The following IQCK variants were observed in gnomAD, a reference collection of about 807,000 sequenced individuals.
IQCK encodes IQ motif containing K, also known as IQ domain-containing protein K.
Under a neutral mutation model 28.1 loss-of-function variants are expected in IQCK, and 29 were observed. The ratio of observed to expected loss-of-function variants is 1.03; its 90% confidence interval spans 0.77 to 1.41. IQCK has a LOEUF of 1.41. Ranked by LOEUF, IQCK falls within the 40% of genes most tolerant of loss-of-function variation. The pLI is 0.00. For synonymous variants in IQCK, 113 were observed against 115.1 expected (o/e 0.98, Z 0.12); for missense variants, 359 against 314.7 (o/e 1.14, Z -1.07).
rs1307874843 is a variant in IQCK at position 19,764,407 on chromosome 16, C to A, written c.605+295C>A. 7 of 236,124 alleles carry A rather than the reference C, an allele frequency of 3.0e-5. No individual in the cohort carries two copies. The East Asian group carries it at 3.3e-4, about 11-fold the overall frequency. The allele number at this position is 236,124 out of a possible 1,614,324, so 14.6% of individuals were successfully genotyped here. On this transcript the variant is annotated intron_variant, in intron 6 of 7. Coordinates refer to ENST00000564186, the Ensembl canonical transcript of IQCK. ...ATTTTTTTCCTGTCTCTCTGAATGT[C>A]ATTATGTCTCAGGAAATATGACTAA...
intron 7 of IQCK, among the ~76,000 whole-genome samples, chr16:19,826,438 G>A (rs1406473964): frequency 3.9e-5 from 6 of 152,156 alleles, no homozygotes; most frequent in Admixed American, 3.9e-4. Context: ...GAGTGCAATG[G>A]CACAATCTCA....
chr16:19,767,875 A>G lies in IQCK; in HGVS notation c.605+3763A>G, dbSNP rs575634273. On this transcript the variant is annotated intron_variant, in intron 6 of 7. Transcript: ENST00000564186. ...AGCCTGGGTGACAGAGCGAGACTCC[A>G]TCTCAATAAATAAATAAATAAACAA... is the stretch of plus-strand genomic sequence containing the variant. Among the ~76,000 whole-genome samples, 44 of 152,086 alleles carry G rather than the reference A, an allele frequency of 2.9e-4. 1 individual carries two copies. In the South Asian group the frequency reaches 8.7e-3, roughly 30 times the overall value.
At chr16:19,816,166 G>T (rs1053864455) in intron 7 of IQCK, among the ~76,000 whole-genome samples, 2 of 152,126 alleles carry the variant, frequency 1.3e-5, no homozygotes, top group Non-Finnish European at 2.9e-5. Context: ...TGTCTGTTTT[G>T]CCAAGAATCA....
At chr16:19,779,640 T>TCAC (rs1426784667) in intron 6 of IQCK, among the ~76,000 whole-genome samples, 1 of 152,120 alleles carries the variant, frequency 6.6e-6, no homozygotes, top group Non-Finnish European at 1.5e-5. Context: ...TCATCTCATT[T>TCAC]CACCATTAGG....
chr16:19,728,911 A>G (rs1977741976), intron 1 of IQCK, among the ~76,000 whole-genome samples: 3 of 152,224 alleles, frequency 2.0e-5, no homozygotes, highest in African/African-American at 7.2e-5. Context: ...ATGAAATAAA[A>G]CTTATGTCCA....
intron 9 of IQCK, among the ~76,000 whole-genome samples, chr16:19,834,533 C>T (rs1343223147): frequency 6.6e-6 from 1 of 152,236 alleles, no homozygotes; most frequent in South Asian, 2.1e-4. Flanking sequence ...CAGGCAGTGT[C>T]TGGCTATGCC....
At chr16:19,828,345 T>C (rs1436425914), downstream of IQCK, among the ~76,000 whole-genome samples, 1 of 146,634 alleles carries the variant, frequency 6.8e-6, no homozygotes, top group Admixed American at 6.9e-5. Context: ...GCAATTCTCC[T>C]GCCTCAGCCT....
chr16:19,819,600 G>C (rs1315860053), intron 7 of IQCK: 2 of 163,902 alleles, frequency 1.2e-5, no homozygotes, highest in African/African-American at 4.8e-5. Flanking sequence ...TTTCAATCCA[G>C]CTGTGATTAA....
At chr16:19,727,739 G>A (rs1977705702) in intron 1 of IQCK, among the ~76,000 whole-genome samples, 1 of 152,064 alleles carries the variant, frequency 6.6e-6, no homozygotes, top group African/African-American at 2.4e-5. Context: ...TCTTGCTTTT[G>A]TAATCAGACA....
intron 7 of IQCK, among the ~76,000 whole-genome samples, chr16:19,814,768 A>G (rs1344827459): frequency 4.0e-5 from 6 of 150,550 alleles, no homozygotes; most frequent in Middle Eastern, 3.4e-3. Flanking sequence ...GGCCGAAAAC[A>G]TTAGGAATAA....
chr16:19,730,704 G>A (rs942248586), intron 2 of IQCK, among the ~76,000 whole-genome samples: 6 of 146,388 alleles, frequency 4.1e-5, no homozygotes, highest in Middle Eastern at 3.2e-3. Context: ...CATTAGTTTC[G>A]GCGTTTGTCT....
At chr16:19,820,077 A>T (rs1357865337) in intron 7 of IQCK, among the ~76,000 whole-genome samples, 1 of 152,176 alleles carries the variant, frequency 6.6e-6, no homozygotes, top group Non-Finnish European at 1.5e-5. Context: ...CACACCGTAT[A>T]TAAAAATTAA....
rs1271851030 is a variant in IQCK at position 19,775,689 on chromosome 16, A to C, written c.605+11577A>C. On this transcript the variant is annotated intron_variant, in intron 6 of 7. Transcript: ENST00000564186. ...TCTTACCTCTGAGGTCACTGATGCA[A>C]AGGAAGAAAAGAATGTAGGAGGTCC... Among the ~76,000 whole-genome samples the C allele has an allele frequency of 2.6e-5, 4 of 152,188 alleles. No homozygotes were observed. In the East Asian group the frequency reaches 7.7e-4, roughly 29 times the overall value.
At chr16:19,756,979 C>T (rs1050541183) in intron 4 of IQCK, among the ~76,000 whole-genome samples, 1 of 151,866 alleles carries the variant, frequency 6.6e-6, no homozygotes, top group Admixed American at 6.6e-5. Context: ...AGGAACCAGA[C>T]ACCAAATCTG....
chr16:19,727,895 A>G (rs1977710904), intron 1 of IQCK, among the ~76,000 whole-genome samples: 1 of 152,102 alleles, frequency 6.6e-6, no homozygotes, highest in Non-Finnish European at 1.5e-5. Context: ...TGGTAGGCGG[A>G]ATTCTAAGAT....
rs532501251 is a variant in IQCK at position 19,843,391 on chromosome 16, A to G, written c.803-13096A>G. 6.6e-5 allele frequency among the ~76,000 whole-genome samples: 10 copies of G among 152,306 alleles called. No individual in the cohort carries two copies. The East Asian group carries it at 1.9e-3, about 29-fold the overall frequency. On this transcript the variant is annotated intron_variant, in intron 9 of 9. Transcript: ENST00000320394. ...CAAGACTTCCAATCCTCCCAGCCCC[A>G]GACAACCACTAATCTACTCTGTCTC...
chr16:19,844,662 C>A (rs945352740), intron 9 of IQCK, among the ~76,000 whole-genome samples: 1 of 152,078 alleles, frequency 6.6e-6, no homozygotes, highest in Admixed American at 6.6e-5. Flanking sequence ...TTCAGTGGAC[C>A]GGGGGCTTCC....
chr16:19,751,482 A>G (rs2054986141), intron 4 of IQCK, among the ~76,000 whole-genome samples: 1 of 152,192 alleles, frequency 6.6e-6, no homozygotes, highest in African/African-American at 2.4e-5. Context: ...TATCTTTAAA[A>G]AAGATAAATA....
At chr16:19,750,158 G>A (rs902472842) in intron 4 of IQCK, among the ~76,000 whole-genome samples, 16 of 151,812 alleles carry the variant, frequency 1.1e-4, no homozygotes, top group Admixed American at 2.0e-4. Flanking sequence ...ATGGAGTGTC[G>A]CGCCGTGGCC....
Sources: gnomAD v4.1 joint callset for allele counts (sites outside exome capture counted in the v4.1 genomes callset) on GRCh38, gnomAD v4.1.1 for gene constraint, MANE v1.5 for transcripts, NCBI Gene and HGNC (gene_info 2026-07-23, HGNC 2026-07-21) for gene names.